The following SMARCA2 variants were observed in gnomAD, a reference collection of about 807,000 sequenced individuals.
SMARCA2 encodes the protein SWI/SNF-related matrix-associated actin-dependent regulator of chromatin subfamily A member 2.
A neutral mutation model predicts 199.8 loss-of-function variants in SMARCA2; 61 were observed. The ratio of observed to expected loss-of-function variants is 0.31; its 90% CI spans 0.25 to 0.38. SMARCA2 has a LOEUF of 0.38. Ranked by LOEUF, SMARCA2 falls within the 10% of genes least tolerant of loss-of-function variation. The pLI is 1.00. For missense variants in SMARCA2, 1,344 were observed against 2,012.2 expected, an observed-to-expected ratio of 0.67 and a Z score of 6.35; for synonymous variants, 935 against 732.0, an observed-to-expected ratio of 1.28 and a Z score of -4.48.
intron 19 of SMARCA2, among the ~76,000 whole-genome samples, chr9:2,090,543 C>G (rs1227405085): frequency 6.6e-6 from 1 of 152,144 alleles, no homozygotes; most frequent in Non-Finnish European, 1.5e-5. Flanking sequence ...ATGACTCTGT[C>G]TTATGGAGTT....
rs191782139 is a variant in SMARCA2, at chr9:2,118,443, C to T, written c.3685-1015C>T. 8.0e-4 allele frequency among the ~76,000 whole-genome samples: 122 copies of T among 152,132 alleles called. 2 individuals are homozygous for T. The East Asian group carries it at 0.018, about 23-fold the overall frequency. On this transcript the variant is annotated intron_variant, in intron 25 of 33. Transcript: ENST00000349721. Reference sequence around the variant, plus strand: ...GCCGACACAGTCATCTCATTTGAGCCGCTAGTACACTCATACTCTTTCTCT... The same window carrying T: ...GCCGACACAGTCATCTCATTTGAGCTGCTAGTACACTCATACTCTTTCTCT...
chr9:2,170,518 C>T lies in SMARCA2; in HGVS notation c.4253+46C>T. 1.2e-6 allele frequency: 2 copies of T among 1,613,268 alleles called. No homozygotes were observed. The highest frequency in any genetic ancestry group is 2.2e-5 in the South Asian group (2 of 90,832). On this transcript the variant is annotated intron_variant, in intron 29 of 33. Coordinates refer to ENST00000349721, the MANE Select transcript of SMARCA2 (RefSeq NM_003070.5). The surrounding 1 kb of genome is among the most constrained non-coding windows in gnomAD (Gnocchi z 4.7). ...CCCCTATCTCTAAATACAGGTATCCCTCGTTACGTGAAACAGATTGAATCA... is the reference window on the plus strand; with the variant it reads ...CCCCTATCTCTAAATACAGGTATCCTTCGTTACGTGAAACAGATTGAATCA...
At chr9:2,131,585 T>C (rs961115619) in intron 27 of SMARCA2, among the ~76,000 whole-genome samples, 1 of 152,192 alleles carries the variant, frequency 6.6e-6, no homozygotes, top group African/African-American at 2.4e-5. Context: ...CAGCCTGAGC[T>C]TCCCATGGTG....
chr9:2,048,908 T>C (rs544573263), intron 5 of SMARCA2, among the ~76,000 whole-genome samples: 1 of 152,352 alleles, frequency 6.6e-6, no homozygotes, highest in East Asian at 1.9e-4. Flanking sequence ...GTACATTCTG[T>C]ATGTTACTGT....
chr9:2,106,593 C>T (rs1822765236), intron 23 of SMARCA2, among the ~76,000 whole-genome samples: 1 of 152,118 alleles, frequency 6.6e-6, no homozygotes, highest in South Asian at 2.1e-4. Flanking sequence ...AGCTGAACCC[C>T]CTTCTGTCCC....
At chr9:2,073,787 G>A (rs887811585) in intron 12 of SMARCA2, among the ~76,000 whole-genome samples, 164 bp downstream of exon 12, 13 of 152,206 alleles carry the variant, frequency 8.5e-5, no homozygotes, top group Non-Finnish European at 1.8e-4. Flanking sequence ...CTTTGATGGT[G>A]TATGCCTAGT....
intron 27 of SMARCA2, among the ~76,000 whole-genome samples, chr9:2,144,250 T>C (rs1184650743): frequency 6.6e-6 from 1 of 152,154 alleles, no homozygotes; most frequent in Non-Finnish European, 1.5e-5. Flanking sequence ...TTTTCTGAGA[T>C]AATGAAATTT....
At chr9:2,149,056 A>G (rs770809195) in intron 27 of SMARCA2, among the ~76,000 whole-genome samples, 1 of 151,556 alleles carries the variant, frequency 6.6e-6, no homozygotes, top group Non-Finnish European at 1.5e-5. Flanking sequence ...ACCTGCCTGT[A>G]TTAGTCTGTT....
intron 19 of SMARCA2, among the ~76,000 whole-genome samples, chr9:2,091,099 T>G (rs556833586): frequency 2.4e-4 from 37 of 152,374 alleles, no homozygotes; most frequent in South Asian, 1.2e-3. Flanking sequence ...CTTTTATTTT[T>G]TAATTTATGT....
intron 27 of SMARCA2, among the ~76,000 whole-genome samples, chr9:2,154,083 A>G (rs1308197165): frequency 6.6e-6 from 1 of 152,232 alleles, no homozygotes. Context: ...TCATCTTCTT[A>G]CTATGATATG....
At chr9:2,036,022 T>C (rs1299671591) in intron 3 of SMARCA2, among the ~76,000 whole-genome samples, 1 of 152,202 alleles carries the variant, frequency 6.6e-6, no homozygotes, top group Non-Finnish European at 1.5e-5. Context: ...TTTAACTACC[T>C]AGCAACCTAT....
chr9:2,123,238 C>T lies in SMARCA2; in HGVS notation c.3763-481C>T, dbSNP rs1157944706. On this transcript the variant is annotated intron_variant, in intron 26 of 33. Transcript: ENST00000349721. This position sits in a 1 kb window ranked among gnomAD's most constrained non-coding sequence, Gnocchi z 4.1. ...CTATTCTGTACTGATACCTTGGGTC[C>T]CCCTTTTTTTTTTATTGCTGATTGT... 6.6e-6 allele frequency among the ~76,000 whole-genome samples: 1 copy of T among 151,496 alleles called. No homozygotes were observed. Among genetic ancestry groups the T allele is most frequent in the Non-Finnish European group, 1.5e-5 (1 of 67,902 alleles).
chr9:2,057,171 T>A (rs1820390040), intron 7 of SMARCA2, among the ~76,000 whole-genome samples: 2 of 152,344 alleles, frequency 1.3e-5, no homozygotes, highest in African/African-American at 4.8e-5. Context: ...TTTTTCACCG[T>A]TCTGGAGGCT....
rs1365896309 is a variant in SMARCA2 at position 2,056,076 on chromosome 9, A to T, written c.1174-596A>T. On this transcript the variant is annotated intron_variant, in intron 6 of 33. Coordinates refer to ENST00000349721, the MANE Select transcript of SMARCA2 (RefSeq NM_003070.5). This position sits in a 1 kb window ranked among gnomAD's most constrained non-coding sequence, Gnocchi z 4.0. ...AACATGCAATACAGATAAAAGTATT[A>T]CATTTGTGATCTGAAATAAGTTCAT... Among the ~76,000 whole-genome samples, 2 of 152,242 alleles carry T rather than the reference A, an allele frequency of 1.3e-5. No individual in the cohort carries two copies. Among genetic ancestry groups the T allele is most frequent in the Non-Finnish European group, 2.9e-5 (2 of 68,038 alleles).
Position 2,032,947 on chromosome 9 carries a change from T to C in SMARCA2, c.226-5T>C. On this transcript the variant is annotated splice_region_variant and splice_polypyrimidine_tract_variant and intron_variant, in intron 2 of 33. Transcript: ENST00000349721. ...TGTCTAACTAATGTCCTTTAAATGT[T>C]TCAGCCCATCGATGGTATACATGAC... The C allele has an allele frequency of 6.2e-7, 1 of 1,613,456 alleles. No homozygotes were observed. Among genetic ancestry groups the C allele is most frequent in the Non-Finnish European group, 8.5e-7 (1 of 1,179,570 alleles).
intron 5 of SMARCA2, among the ~76,000 whole-genome samples, chr9:2,049,213 A>C (rs1820014109): frequency 6.6e-6 from 1 of 152,172 alleles, no homozygotes; most frequent in Non-Finnish European, 1.5e-5. Context: ...GTGTGTGTGC[A>C]CAAGTGTGTT....
intron 4 of SMARCA2, chr9:2,040,776 A>G (rs1161835683): frequency 6.6e-6 from 1 of 152,232 alleles, no homozygotes; most frequent in African/African-American, 2.4e-5. Flanking sequence ...ACATTATACA[A>G]TGGGTAGAAA....
intron 31 of SMARCA2, 81 bp downstream of exon 31, chr9:2,182,323 A>T: frequency 1.2e-6 from 1 of 842,130 alleles, no homozygotes; most frequent in Non-Finnish European, 2.0e-6. Flanking sequence ...TTCATTTTCT[A>T]CCTCTTGAAT....
intron 29 of SMARCA2, among the ~76,000 whole-genome samples, chr9:2,171,719 A>C (rs1388923026): frequency 6.6e-6 from 1 of 152,214 alleles, no homozygotes; most frequent in Non-Finnish European, 1.5e-5. Context: ...TAATCAACCA[A>C]CTTGGGTAAA....
Sources: allele counts gnomAD v4.1 joint callset (sites outside exome capture counted in the v4.1 genomes callset), GRCh38; gene constraint gnomAD v4.1.1; non-coding constraint Gnocchi (gnomAD v3.1); transcripts MANE v1.5; gene names NCBI Gene and HGNC (gene_info 2026-07-23, HGNC 2026-07-21).